YES1: variants seen among roughly 807,000 people sequenced by gnomAD.
The protein encoded by YES1 is tyrosine-protein kinase Yes.
In YES1, 39 loss-of-function variants were observed where a neutral mutation model predicts 70.4. That is an observed-to-expected ratio of 0.55 (90% confidence interval 0.43 to 0.72). The LOEUF (loss-of-function observed/expected upper bound fraction) is 0.72, where lower values mean the gene tolerates loss of function less well. Ranked by LOEUF, YES1 falls within the 30% of genes least tolerant of loss-of-function variation. The pLI is 0.00. For synonymous variants in YES1, 198 were observed against 218.6 expected (o/e 0.91, Z 0.83); for missense variants, 495 against 644.8 (o/e 0.77, Z 2.52).
chr18:785,154 T>C (rs976880468), intron 1 of YES1, among the ~76,000 whole-genome samples: 1 of 33,112 alleles, frequency 3.0e-5, no homozygotes. Context: ...TGCACAGACC[T>C]TTTTTTTTTT....
At chr18:745,319 T>C (rs528566145) in intron 6 of YES1, among the ~76,000 whole-genome samples, 35 of 152,344 alleles carry the variant, frequency 2.3e-4, no homozygotes, top group Non-Finnish European at 2.1e-4. Flanking sequence ...GGAAAGCTTA[T>C]GCGATCCAGC....
chr18:754,841 T>C (rs1279721792), intron 2 of YES1, among the ~76,000 whole-genome samples: 4 of 152,162 alleles, frequency 2.6e-5, no homozygotes, highest in Non-Finnish European at 5.9e-5. Context: ...TAATCATCCA[T>C]CCTGTTTAGC....
intron 1 of YES1, among the ~76,000 whole-genome samples, chr18:761,454 C>T (rs1451459178): frequency 6.6e-6 from 1 of 152,096 alleles, no homozygotes; most frequent in East Asian, 1.9e-4. Flanking sequence ...GAGGCCAACT[C>T]GGAAATACCA....
At chr18:806,188 A>AT (rs1020097844) in intron 1 of YES1, among the ~76,000 whole-genome samples, 1 of 152,196 alleles carries the variant, frequency 6.6e-6, no homozygotes, top group African/African-American at 2.4e-5. Context: ...TACCAAATGC[A>AT]TTTTTTAAAA....
At chr18:725,938 G>C (rs2080013540) in intron 11 of YES1, among the ~76,000 whole-genome samples, 1 of 152,144 alleles carries the variant, frequency 6.6e-6, no homozygotes, top group African/African-American at 2.4e-5. Flanking sequence ...AATACAACTA[G>C]AAGTTGTTGG....
At chr18:785,925 G>C (rs747625158) in intron 1 of YES1, among the ~76,000 whole-genome samples, 4 of 152,082 alleles carry the variant, frequency 2.6e-5, no homozygotes, top group Non-Finnish European at 5.9e-5. Context: ...GCAAAAGAGT[G>C]ACACTGTCTT....
chr18:754,401 C>T (rs2145734291), intron 2 of YES1, among the ~76,000 whole-genome samples: 1 of 152,222 alleles, frequency 6.6e-6, no homozygotes, highest in East Asian at 1.9e-4. Flanking sequence ...GTGGGTCATT[C>T]TCACTTATCA....
intron 1 of YES1, among the ~76,000 whole-genome samples, chr18:760,101 G>A (rs1311144773): frequency 6.6e-6 from 1 of 151,964 alleles, no homozygotes; most frequent in African/African-American, 2.4e-5. Flanking sequence ...TCTTAATCCA[G>A]TCTATCACTG....
At chr18:769,044 A>G (rs931678548) in intron 1 of YES1, among the ~76,000 whole-genome samples, 4 of 152,154 alleles carry the variant, frequency 2.6e-5, no homozygotes, top group Non-Finnish European at 5.9e-5. Context: ...TTGTGTTACA[A>G]CTGCCTACAG....
chr18:773,452 T>C (rs1905240464), intron 1 of YES1, among the ~76,000 whole-genome samples: 1 of 152,230 alleles, frequency 6.6e-6, no homozygotes, highest in African/African-American at 2.4e-5. Flanking sequence ...ATGGTTGTCT[T>C]GTCACCCCCT....
chr18:783,095 A>C (rs747113229), intron 1 of YES1, among the ~76,000 whole-genome samples: 25 of 152,100 alleles, frequency 1.6e-4, no homozygotes, highest in Non-Finnish European at 3.2e-4. Context: ...TTTAAAAATT[A>C]TATAGCCACT....
chr18:757,300 G>T (rs904725179), intron 1 of YES1, among the ~76,000 whole-genome samples: 19 of 151,392 alleles, frequency 1.3e-4, no homozygotes, highest in Admixed American at 2.0e-4. Context: ...TCAGGAGATT[G>T]AGACCATCCT....
At chr18:807,331 CAAAA>C (rs34717750) in intron 1 of YES1, among the ~76,000 whole-genome samples, 5 of 125,674 alleles carry the variant, frequency 4.0e-5, no homozygotes, top group Non-Finnish European at 5.0e-5. Context: ...GATACTTCAT[CAAAA>C]AAAAAAAAAA....
intron 1 of YES1, among the ~76,000 whole-genome samples, chr18:792,704 T>C (rs1236378256): frequency 2.0e-5 from 3 of 151,912 alleles, no homozygotes; most frequent in African/African-American, 7.3e-5. Flanking sequence ...CTCAAACCTG[T>C]AATCCCAGCA....
upstream of YES1, chr18:812,643 G>GGC (rs1907476340): frequency 6.6e-6 from 1 of 152,560 alleles, no homozygotes; most frequent in Admixed American, 6.5e-5. Flanking sequence ...GCAGGCCCGC[G>GGC]GCGTCCCTTC....
At chr18:808,896 A>G (rs1907230361) in intron 1 of YES1, among the ~76,000 whole-genome samples, 1 of 152,226 alleles carries the variant, frequency 6.6e-6, no homozygotes, top group African/African-American at 2.4e-5. Context: ...TAAACTTTAA[A>G]CAAAAACTTA....
At chr18:756,885 T>C in intron 1 of YES1, 50 bp from the exon 2 acceptor site, 1 of 1,509,982 alleles carries the variant, frequency 6.6e-7, no homozygotes, top group Non-Finnish European at 8.9e-7. Flanking sequence ...ACAGGATACT[T>C]CAAAAAGACA....
At chr18:765,148 G>T (rs1389227098) in intron 1 of YES1, among the ~76,000 whole-genome samples, 1 of 150,504 alleles carries the variant, frequency 6.6e-6, no homozygotes, top group Non-Finnish European at 1.5e-5. Flanking sequence ...GACAGGGAGA[G>T]AAATTAGGAA....
intron 1 of YES1, among the ~76,000 whole-genome samples, chr18:782,080 C>T (rs1426591314): frequency 6.6e-6 from 1 of 152,104 alleles, no homozygotes; most frequent in African/African-American, 2.4e-5. Context: ...CATTTTCTCT[C>T]CTCTCCCCAA....
Sources: allele counts gnomAD v4.1 joint callset (sites outside exome capture counted in the v4.1 genomes callset), GRCh38; gene constraint gnomAD v4.1.1; transcripts MANE v1.5; gene names NCBI Gene and HGNC (gene_info 2026-07-23, HGNC 2026-07-21).